Variants in PTPN21 observed in about 807,000 individuals in gnomAD.
PTPN21 encodes the protein protein tyrosine phosphatase non-receptor type 21.
In PTPN21, 77 loss-of-function variants were observed where a neutral mutation model predicts 131.8. The observed-to-expected ratio is 0.58, with a 90% CI of 0.49 to 0.71. The LOEUF (loss-of-function observed/expected upper bound fraction) is 0.71, where lower values mean the gene tolerates loss of function less well. Among genes scored for constraint, PTPN21 ranks in the 30% least tolerant of loss-of-function variants. The pLI is 0.00. For synonymous variants in PTPN21, 715 were observed against 621.3 expected (o/e 1.15, Z -2.24); for missense variants, 1,552 against 1,527.1 (o/e 1.02, Z -0.27).
At chr14:88,492,867 G>A (rs989397772) in intron 10 of PTPN21, 10 of 332,006 alleles carry the variant, frequency 3.0e-5, no homozygotes, top group Non-Finnish European at 5.9e-5. Flanking sequence ...TTATGCACCG[G>A]GCACCTTGCC....
chr14:88,518,226 CAAAAAAAAAAAAAAAAAA>C (rs1172099704), intron 2 of PTPN21, among the ~76,000 whole-genome samples: 16 of 11,072 alleles, frequency 1.4e-3, no homozygotes, highest in Admixed American at 6.5e-3. Context: ...GAATCTACCT[CAAAAAAAAAAAAAAAAAA>C]AAAAAAAAAA....
chr14:88,539,150 C>T (rs1012243914), intron 2 of PTPN21, among the ~76,000 whole-genome samples: 4 of 151,448 alleles, frequency 2.6e-5, no homozygotes, highest in Non-Finnish European at 4.4e-5. Context: ...ATGGCACAAT[C>T]TCAGCTCACT....
chr14:88,517,303 A>G (rs756595697), intron 2 of PTPN21, 42 bp from the exon 3 acceptor site: 10 of 1,593,308 alleles, frequency 6.3e-6, no homozygotes, highest in Non-Finnish European at 8.6e-6. Flanking sequence ...ATAACATACA[A>G]AAGGATTTCA....
chr14:88,548,002 C>T (rs1347418417), intron 2 of PTPN21, among the ~76,000 whole-genome samples: 2 of 152,144 alleles, frequency 1.3e-5, no homozygotes, highest in Non-Finnish European at 2.9e-5. Flanking sequence ...CTCCTTGCCC[C>T]TAATAGATCT....
chr14:88,505,458 A>C, intron 4 of PTPN21, 87 bp from the exon 5 acceptor site: 1 of 814,734 alleles, frequency 1.2e-6, no homozygotes. Flanking sequence ...CAGTATATCT[A>C]GATGGTATGC....
chr14:88,477,449 A>C (rs1212769769), intron 13 of PTPN21, among the ~76,000 whole-genome samples: 23 of 133,228 alleles, frequency 1.7e-4, no homozygotes, highest in Non-Finnish European at 2.6e-4. Context: ...ACTGTTCTAA[A>C]AAAAAAAAAA....
intron 3 of PTPN21, among the ~76,000 whole-genome samples, chr14:88,510,669 AC>A (rs1386607671): frequency 1.3e-5 from 2 of 152,184 alleles, no homozygotes; most frequent in African/African-American, 4.8e-5. Flanking sequence ...TAGCAGTGTG[AC>A]CTTGGGCAAG....
chr14:88,508,087 C>T, intron 3 of PTPN21, 67 bp from the exon 4 acceptor site: 1 of 832,068 alleles, frequency 1.2e-6, no homozygotes, highest in East Asian at 2.7e-5. Flanking sequence ...ATGCATTTAA[C>T]CATAATTTGG....
chr14:88,516,450 G>A (rs900556855), intron 3 of PTPN21, among the ~76,000 whole-genome samples: 4 of 152,098 alleles, frequency 2.6e-5, no homozygotes, highest in Non-Finnish European at 5.9e-5. Flanking sequence ...GTAGTGATGG[G>A]ATTCACAGAA....
At chr14:88,500,372 G>A (rs1775177495) in intron 8 of PTPN21, among the ~76,000 whole-genome samples, 1 of 152,220 alleles carries the variant, frequency 6.6e-6, no homozygotes, top group Non-Finnish European at 1.5e-5. Context: ...CAAGGCTGCA[G>A]TGAGTGGTGA....
chr14:88,470,338 C>T (rs191510207), intron 15 of PTPN21: 15 of 387,468 alleles, frequency 3.9e-5, no homozygotes, highest in Non-Finnish European at 9.4e-6. Context: ...AATAAAGATA[C>T]TGCCTACCGT....
At chr14:88,547,679 G>C (rs1388491975) in intron 2 of PTPN21, 1 of 455,560 alleles carries the variant, frequency 2.2e-6, no homozygotes, top group Non-Finnish European at 4.4e-6. Flanking sequence ...CAAGTAAGCA[G>C]GGACTGGTTA....
rs184916396 is a variant in PTPN21, at chr14:88,504,950, C to T, written c.516+354G>A. On this transcript the variant is annotated intron_variant, in intron 5 of 18. Coordinates refer to ENST00000556564, the MANE Select transcript of PTPN21 (RefSeq NM_007039.4). ...TACTTTTTAAATTGCTGATGAGAAG[C>T]GACATTCCTCAATATAATTTTGTAA... 1.2e-3 allele frequency among the ~76,000 whole-genome samples: 176 copies of T among 152,286 alleles called. 4 individuals are homozygous for T. Among genetic ancestry groups the T allele is most frequent in the African/African-American group, 4.0e-3 (166 of 41,538 alleles).
chr14:88,551,563 T>C (rs145478374), intron 1 of PTPN21: 1 of 152,342 alleles, frequency 6.6e-6, no homozygotes, highest in East Asian at 1.9e-4. Flanking sequence ...GACCGGTCCC[T>C]CGGCTCCCGA....
intron 2 of PTPN21, among the ~76,000 whole-genome samples, chr14:88,518,457 T>C (rs1264173235): frequency 2.0e-5 from 2 of 100,024 alleles, no homozygotes; most frequent in Non-Finnish European, 3.9e-5. Flanking sequence ...TTGAGATAGA[T>C]TCTCACTCTG....
chr14:88,518,410 A>ATT (rs1566840010), intron 2 of PTPN21, among the ~76,000 whole-genome samples: 1 of 16,996 alleles, frequency 5.9e-5, no homozygotes, highest in Non-Finnish European at 1.3e-4. Context: ...ATATATATAT[A>ATT]TATATTTTTT....
chr14:88,471,459 C>A (rs1004761073), intron 15 of PTPN21, among the ~76,000 whole-genome samples: 2 of 152,166 alleles, frequency 1.3e-5, no homozygotes, highest in Admixed American at 6.5e-5. Context: ...TAGGGAAGGA[C>A]AGCCTCTTAA....
At chr14:88,497,560 G>A (rs779631984) in intron 8 of PTPN21, among the ~76,000 whole-genome samples, 4 of 151,090 alleles carry the variant, frequency 2.6e-5, no homozygotes, top group Middle Eastern at 3.2e-3. Flanking sequence ...ACGAGGTCAG[G>A]AGATGGAGAC....
intron 2 of PTPN21, among the ~76,000 whole-genome samples, chr14:88,534,282 C>A (rs2078596841): frequency 2.0e-5 from 3 of 151,384 alleles, no homozygotes; most frequent in Admixed American, 2.0e-4. Flanking sequence ...ACTTGGGAGG[C>A]TGAAGCACAA....
Sources: allele counts gnomAD v4.1 joint callset (sites outside exome capture counted in the v4.1 genomes callset), GRCh38; gene constraint gnomAD v4.1.1; transcripts MANE v1.5; gene names NCBI Gene and HGNC (gene_info 2026-07-23, HGNC 2026-07-21).